The following CD38 variants were observed in gnomAD, a reference collection of about 807,000 sequenced individuals.
CD38 encodes the protein CD38 molecule, also known as ADP-ribosyl cyclase/cyclic ADP-ribose hydrolase 1.
A neutral mutation model predicts 36.3 loss-of-function variants in CD38; 31 were observed. The observed-to-expected ratio is 0.85, with a 90% confidence interval of 0.64 to 1.15. The LOEUF (loss-of-function observed/expected upper bound fraction) is 1.15. CD38 is among the 50% of genes most tolerant of loss of function. CD38 has a pLI of 0.00. For synonymous variants in CD38, 131 were observed against 135.2 expected, an observed-to-expected ratio of 0.97 and a Z score of 0.22; for missense variants, 380 against 371.9, an observed-to-expected ratio of 1.02 and a Z score of -0.18.
intron 1 of CD38, among the ~76,000 whole-genome samples, chr4:15,794,263 T>A (rs11937594): frequency 0.052 from 7,884 of 152,246 alleles, 300 homozygotes; most frequent in East Asian, 0.18. Context: ...AGTTATCAGA[T>A]TGAAAAAGCA....
At chr4:15,807,234 G>T (rs1164267203) in intron 1 of CD38, among the ~76,000 whole-genome samples, 1 of 152,172 alleles carries the variant, frequency 6.6e-6, no homozygotes, top group African/African-American at 2.4e-5. Flanking sequence ...ATGCTGCCAG[G>T]AAGTAGTGGG....
chr4:15,835,312 T>G (rs181304852), intron 4 of CD38, among the ~76,000 whole-genome samples: 1 of 150,536 alleles, frequency 6.6e-6, no homozygotes, highest in Non-Finnish European at 1.5e-5. Context: ...CTTACTTCAC[T>G]TAACATAATG....
chr4:15,817,338 A>G (rs1054314709), intron 2 of CD38, among the ~76,000 whole-genome samples: 4 of 152,250 alleles, frequency 2.6e-5, no homozygotes, highest in Non-Finnish European at 5.9e-5. Context: ...GCAAAATTCC[A>G]TGTGCCTAAA....
At chr4:15,822,749 C>T (rs918639263) in intron 2 of CD38, among the ~76,000 whole-genome samples, 6 of 152,102 alleles carry the variant, frequency 3.9e-5, no homozygotes, top group Admixed American at 1.3e-4. Context: ...GTGAAAATGG[C>T]CATACTGCCC....
chr4:15,779,879 C>T (rs1187382038), intron 1 of CD38, among the ~76,000 whole-genome samples: 1 of 151,952 alleles, frequency 6.6e-6, no homozygotes, highest in African/African-American at 2.4e-5. Flanking sequence ...CTTTTGACAG[C>T]CCATAGTATT....
intron 3 of CD38, among the ~76,000 whole-genome samples, chr4:15,826,750 TA>T (rs1404205193): frequency 6.9e-6 from 1 of 144,508 alleles, no homozygotes; most frequent in Non-Finnish European, 1.5e-5. Flanking sequence ...TATTTTACAC[TA>T]AAAAAAGAAA....
chr4:15,837,526 T>C (rs1724095372), intron 4 of CD38, among the ~76,000 whole-genome samples: 1 of 152,196 alleles, frequency 6.6e-6, no homozygotes, highest in South Asian at 2.1e-4. Flanking sequence ...CATTTCATTT[T>C]TCCAAAGTCT....
At chr4:15,815,378 T>G (rs1241528710) in intron 1 of CD38, among the ~76,000 whole-genome samples, 1 of 152,198 alleles carries the variant, frequency 6.6e-6, no homozygotes, top group Non-Finnish European at 1.5e-5. Context: ...ATTTTCACAA[T>G]ATTTATTCTT....
intron 5 of CD38, 94 bp downstream of exon 5, chr4:15,838,259 C>A: frequency 2.9e-6 from 3 of 1,042,520 alleles, no homozygotes; most frequent in South Asian, 1.4e-5. Flanking sequence ...TTTCATGTTT[C>A]AGGTCAGTTC....
intron 1 of CD38, among the ~76,000 whole-genome samples, chr4:15,797,389 CT>C (rs1723124227): frequency 6.6e-6 from 1 of 152,116 alleles, no homozygotes; most frequent in South Asian, 2.1e-4. Flanking sequence ...AGTCTGTTAT[CT>C]TTTTTGTCAG....
chr4:15,825,639 G>C (rs1723830725), intron 3 of CD38: 1 of 152,306 alleles, frequency 6.6e-6, no homozygotes, highest in South Asian at 2.1e-4. Context: ...TTCAGAGTTG[G>C]GGATTGCCCA....
At position 15,851,036 on chromosome 4, in the gene CD38, ATT is replaced by A. The variant is rs1412868289; in HGVS notation, c.*2436_*2437del. On this transcript the variant is annotated 3_prime_UTR_variant, in exon 8 of 8. Transcript: ENST00000226279. ...TTTGAAATTTCCCCTAGGAAGACTCATTTGAGTGTTCAAGTTCAGAGCCAGTG... is the reference window on the plus strand; with the variant it reads ...TTTGAAATTTCCCCTAGGAAGACTCATGAGTGTTCAAGTTCAGAGCCAGTG... 1 of 152,188 alleles carries A rather than the reference ATT, an allele frequency of 6.6e-6. No homozygotes were observed. Among genetic ancestry groups the A allele is most frequent in the East Asian group, 1.9e-4 (1 of 5,188 alleles). The allele number at this position is 152,188 out of a possible 1,614,324, so 9.4% of individuals were successfully genotyped here.
At chr4:15,812,654 C>T (rs1297313585) in intron 1 of CD38, among the ~76,000 whole-genome samples, 1 of 152,084 alleles carries the variant, frequency 6.6e-6, no homozygotes, top group African/African-American at 2.4e-5. Flanking sequence ...GAGCCGAGAT[C>T]GCACCATTGC....
intron 1 of CD38, among the ~76,000 whole-genome samples, chr4:15,788,040 G>A (rs374560891): frequency 5.3e-5 from 8 of 152,312 alleles, no homozygotes; most frequent in African/African-American, 1.7e-4. Context: ...ATTCTCCCCC[G>A]AAGCTTTGCA....
At chr4:15,785,177 G>A (rs1017228489) in intron 1 of CD38, among the ~76,000 whole-genome samples, 7 of 152,112 alleles carry the variant, frequency 4.6e-5, no homozygotes, top group South Asian at 2.1e-4. Context: ...GAGACTATAG[G>A]TCTCAGTTAC....
chr4:15,790,965 A>G (rs1722965773), intron 1 of CD38, among the ~76,000 whole-genome samples: 1 of 142,964 alleles, frequency 7.0e-6, no homozygotes, highest in Non-Finnish European at 1.5e-5. Flanking sequence ...AGAAGTGAGG[A>G]GCCCCTCCGT....
At chr4:15,787,623 T>C (rs1247992743) in intron 1 of CD38, among the ~76,000 whole-genome samples, 1 of 152,178 alleles carries the variant, frequency 6.6e-6, no homozygotes, top group Non-Finnish European at 1.5e-5. Flanking sequence ...TCTTTGTAGG[T>C]AAAGCGGCAG....
At chr4:15,813,309 T>G (rs1234822782) in intron 1 of CD38, among the ~76,000 whole-genome samples, 3 of 103,124 alleles carry the variant, frequency 2.9e-5, no homozygotes, top group Non-Finnish European at 5.5e-5. Context: ...CTGCTCAGTG[T>G]TTTTTTCATC....
rs144385612 is a variant in CD38 at position 15,832,435 on chromosome 4, T to A, written c.500-1782T>A. ...CCAGATATTTTGAAGGACTCGGATGTTGTGATCTACGTTGTATCTGCTGTA... is the reference window on the plus strand; with the variant it reads ...CCAGATATTTTGAAGGACTCGGATGATGTGATCTACGTTGTATCTGCTGTA... On this transcript the variant is annotated intron_variant, in intron 3 of 7. Coordinates refer to ENST00000226279, the MANE Select transcript of CD38 (RefSeq NM_001775.4). Among the ~76,000 whole-genome samples the A allele has an allele frequency of 8.5e-5, 13 of 152,322 alleles. No homozygotes were observed. The East Asian group carries it at 2.5e-3, about 29-fold the overall frequency.
Sources: allele counts gnomAD v4.1 joint callset (sites outside exome capture counted in the v4.1 genomes callset), GRCh38; gene constraint gnomAD v4.1.1; transcripts MANE v1.5; gene names NCBI Gene and HGNC (gene_info 2026-07-23, HGNC 2026-07-21).